GYS2: variants seen among roughly 807,000 people sequenced by gnomAD.
GYS2 encodes the protein glycogen [starch] synthase, liver.
GYS2 carries 80 observed loss-of-function variants against 85.6 expected under a neutral mutation model. The observed-to-expected ratio is 0.93, with a 90% confidence interval of 0.78 to 1.13. GYS2 has a LOEUF of 1.13. Ranked by LOEUF, GYS2 falls within the 50% of genes most tolerant of loss-of-function variation. GYS2 has a pLI of 0.00. For synonymous variants in GYS2, 328 were observed against 300.7 expected (o/e 1.09, Z -0.94); for missense variants, 881 against 854.9 (o/e 1.03, Z -0.38).
chr12:21,562,869 G>A (rs760666444), intron 7 of GYS2, 49 bp downstream of exon 7: 9 of 1,605,774 alleles, frequency 5.6e-6, no homozygotes, highest in Non-Finnish European at 1.7e-6. Context: ...TCCCACAGAA[G>A]AAAGTTCTCC....
intron 1 of GYS2, among the ~76,000 whole-genome samples, chr12:21,586,076 C>G (rs1944569296): frequency 6.6e-6 from 1 of 152,110 alleles, no homozygotes; most frequent in African/African-American, 2.4e-5. Flanking sequence ...CTGAGTGTGT[C>G]TGTGAGGGTA....
chr12:21,581,974 A>G (rs1944514807), intron 1 of GYS2, among the ~76,000 whole-genome samples: 1 of 152,162 alleles, frequency 6.6e-6, no homozygotes, highest in South Asian at 2.1e-4. Context: ...AAAACTAAAC[A>G]CAACAAAAAC....
chr12:21,542,664 A>T, intron 12 of GYS2, 73 bp from the exon 13 acceptor site: 3 of 906,122 alleles, frequency 3.3e-6, no homozygotes, highest in Non-Finnish European at 5.5e-6. Context: ...AGAGGAGGAA[A>T]AGGCCCTAGT....
intron 5 of GYS2, among the ~76,000 whole-genome samples, chr12:21,566,228 A>G (rs921876564): frequency 2.0e-5 from 3 of 152,032 alleles, no homozygotes; most frequent in African/African-American, 7.2e-5. Context: ...CACCCAGCCA[A>G]TTTTCCTCTT....
intron 13 of GYS2, among the ~76,000 whole-genome samples, chr12:21,541,285 A>AAC (rs1555153481): frequency 1.5e-5 from 2 of 137,510 alleles, no homozygotes; most frequent in Admixed American, 1.4e-4. Context: ...AAAAAAAAAA[A>AAC]AAAAAACAAA....
At chr12:21,569,969 T>C (rs7138731) in intron 4 of GYS2, among the ~76,000 whole-genome samples, 114,917 of 152,078 alleles carry the variant, frequency 0.76, 43,648 homozygotes, top group South Asian at 0.8. Context: ...AATTTGATCC[T>C]TAATCAGCCT....
intron 11 of GYS2, among the ~76,000 whole-genome samples, chr12:21,556,294 T>A (rs577572020): frequency 1.3e-5 from 2 of 152,108 alleles, no homozygotes; most frequent in African/African-American, 4.8e-5. Context: ...TATGCCTCCC[T>A]AGTAGCTGGT....
At chr12:21,582,439 T>A in intron 1 of GYS2, among the ~76,000 whole-genome samples, 1 of 152,144 alleles carries the variant, frequency 6.6e-6, no homozygotes, top group Admixed American at 6.6e-5. Context: ...CTTCCTGCCC[T>A]GGAACATTGA....
chr12:21,557,257 G>C (rs1944191741), intron 11 of GYS2, among the ~76,000 whole-genome samples: 1 of 152,176 alleles, frequency 6.6e-6, no homozygotes, highest in Non-Finnish European at 1.5e-5. Context: ...TTATCTGTTT[G>C]CATGTTCATC....
intron 9 of GYS2, 27 bp from the exon 10 acceptor site, chr12:21,559,196 A>C: frequency 3.8e-6 from 5 of 1,306,592 alleles, no homozygotes; most frequent in Non-Finnish European, 5.5e-6. Context: ...TTAATAACAA[A>C]AATAAAAACA....
At chr12:21,534,956 A>C (rs1410887176), downstream of GYS2, 1 of 152,226 alleles carries the variant, frequency 6.6e-6, no homozygotes. Flanking sequence ...TCTACTAAAA[A>C]TCATATTTGC....
At chr12:21,595,215 G>A (rs1029631124) in intron 1 of GYS2, among the ~76,000 whole-genome samples, 1 of 152,100 alleles carries the variant, frequency 6.6e-6, no homozygotes, top group Non-Finnish European at 1.5e-5. Context: ...GTGGAGGCTC[G>A]CATTGTGAAT....
chr12:21,534,043 G>A (rs570418327), downstream of GYS2, among the ~76,000 whole-genome samples: 79 of 152,278 alleles, frequency 5.2e-4, no homozygotes, highest in African/African-American at 1.8e-3. Flanking sequence ...CAAAGGCTCT[G>A]CCTCCTTTGT....
At chr12:21,572,590 A>G (rs1171769953) in intron 4 of GYS2, among the ~76,000 whole-genome samples, 3 of 152,156 alleles carry the variant, frequency 2.0e-5, no homozygotes, top group Admixed American at 6.6e-5. Context: ...TAGATAGAAC[A>G]TTTTACTAGA....
intron 11 of GYS2, among the ~76,000 whole-genome samples, chr12:21,551,993 C>G (rs537959345): frequency 5.9e-5 from 9 of 152,124 alleles, no homozygotes; most frequent in Non-Finnish European, 1.2e-4. Context: ...AGAATGACAG[C>G]ATAACTAAAA....
At chr12:21,571,320 G>T (rs1944382381) in intron 4 of GYS2, among the ~76,000 whole-genome samples, 1 of 152,280 alleles carries the variant, frequency 6.6e-6, no homozygotes, top group East Asian at 1.9e-4. Context: ...ACATATTTAT[G>T]ATTATATCTT....
At chr12:21,566,270 A>C (rs1944319614) in intron 5 of GYS2, among the ~76,000 whole-genome samples, 5 of 152,146 alleles carry the variant, frequency 3.3e-5, no homozygotes, top group Non-Finnish European at 5.9e-5. Context: ...CGTTAAAAGT[A>C]ATGGCTGTAG....
rs886049159 is a variant in GYS2, at chr12:21,568,932, A to G, written c.756T>C (p.Ala252=). 5 of 1,613,328 alleles carry G rather than the reference A, an allele frequency of 3.1e-6. No individual in the cohort carries two copies. The highest frequency in any genetic ancestry group is 1.7e-5 in the Admixed American group (1 of 60,006). The change falls in exon 5 of 16, where the codon GCT becomes GCC. Residue 252 remains alanine, a synonymous_variant. Transcript: ENST00000261195. ...YCMERASVHC[A]HVFTTVSEIT... ...TTTCAGAAACCGTGGTGAACACGTG[A>G]GCGCAATGAACGGAAGCTCGCTCCA...
chr12:21,579,873 TA>T (rs1944489231), intron 2 of GYS2, among the ~76,000 whole-genome samples: 2 of 152,206 alleles, frequency 1.3e-5, no homozygotes, highest in Non-Finnish European at 2.9e-5. Context: ...TTCCATTTGC[TA>T]TAAAAGGTAG....
Sources: allele counts gnomAD v4.1 joint callset (sites outside exome capture counted in the v4.1 genomes callset), GRCh38; gene constraint gnomAD v4.1.1; transcripts MANE v1.5; gene names NCBI Gene and HGNC (gene_info 2026-07-23, HGNC 2026-07-21).